PLEKHG1: variants seen among roughly 807,000 people sequenced by gnomAD.
The protein encoded by PLEKHG1 is pleckstrin homology domain-containing family G member 1.
Under a neutral mutation model 100.8 loss-of-function variants are expected in PLEKHG1, and 44 were observed. The ratio of observed to expected loss-of-function variants is 0.44; its 90% CI spans 0.34 to 0.56. The LOEUF is 0.56. PLEKHG1 is among the 20% of genes least tolerant of loss of function. The pLI is 0.01. For missense variants in PLEKHG1, 1,545 were observed against 1,720.9 expected, an observed-to-expected ratio of 0.90 and a Z score of 1.81; for synonymous variants, 640 against 662.5, an observed-to-expected ratio of 0.97 and a Z score of 0.52.
At chr6:150,713,045 C>G (rs1475951450) in intron 3 of PLEKHG1, among the ~76,000 whole-genome samples, 2 of 152,176 alleles carry the variant, frequency 1.3e-5, no homozygotes, top group Non-Finnish European at 2.9e-5. Context: ...ACTTAAAGCC[C>G]ATGTCCATTC....
intron 4 of PLEKHG1, among the ~76,000 whole-genome samples, chr6:150,795,621 CTG>C (rs1786280357): frequency 1.3e-5 from 2 of 151,578 alleles, no homozygotes; most frequent in African/African-American, 4.8e-5. Context: ...ACTCGGGAGG[CTG>C]AGGCAGGATA....
rs114199322 is a variant in PLEKHG1 at position 150,758,910 on chromosome 6, T to C, written c.412-9728T>C. ...AGAATGATTCCTAATTCTCTAGAGC[T>C]AAAACACCCTGCTTTCCAGGCTCCC... On this transcript the variant is annotated intron_variant, in intron 2 of 15. Coordinates refer to ENST00000358517, the Ensembl canonical transcript of PLEKHG1. Among the ~76,000 whole-genome samples, 13 of 152,328 alleles carry C rather than the reference T, an allele frequency of 8.5e-5. No homozygotes were observed. In the South Asian group the frequency reaches 2.5e-3, roughly 29 times the overall value.
chr6:150,649,983 G>C (rs1227316142), intron 2 of PLEKHG1, among the ~76,000 whole-genome samples: 1 of 151,118 alleles, frequency 6.6e-6, no homozygotes, highest in African/African-American at 2.4e-5. Context: ...CTGCACTCCA[G>C]CCTGGGCGAC....
At chr6:150,773,584 T>C (rs1477523630) in intron 3 of PLEKHG1, among the ~76,000 whole-genome samples, 2 of 152,214 alleles carry the variant, frequency 1.3e-5, no homozygotes, top group South Asian at 2.1e-4. Context: ...TGGGTCTGTG[T>C]TCTCTTTCAC....
intron 3 of PLEKHG1, among the ~76,000 whole-genome samples, chr6:150,675,469 A>G (rs9480524): frequency 0.079 from 12,040 of 152,308 alleles, 547 homozygotes; most frequent in Non-Finnish European, 0.1. Flanking sequence ...GGAGAAAGTT[A>G]GGCAAAGGGA....
chr6:150,724,310 A>C (rs1273649980), intron 1 of PLEKHG1, among the ~76,000 whole-genome samples: 1 of 152,246 alleles, frequency 6.6e-6, no homozygotes, highest in Non-Finnish European at 1.5e-5. Context: ...ATCTAAAGGC[A>C]GAGGAGGCTG....
At chr6:150,662,172 C>G (rs894642293) in intron 3 of PLEKHG1, among the ~76,000 whole-genome samples, 1 of 152,150 alleles carries the variant, frequency 6.6e-6, no homozygotes, top group Non-Finnish European at 1.5e-5. Flanking sequence ...TTTTTCTCCT[C>G]CTGTCAGTCA....
At chr6:150,714,297 C>T (rs183797913) in intron 3 of PLEKHG1, among the ~76,000 whole-genome samples, 41 of 152,294 alleles carry the variant, frequency 2.7e-4, no homozygotes, top group Middle Eastern at 6.8e-3. Flanking sequence ...TAAGACTTGA[C>T]TGTATTGTCT....
intron 1 of PLEKHG1, among the ~76,000 whole-genome samples, chr6:150,607,258 TG>T (rs1334705678): frequency 1.2e-4 from 18 of 151,846 alleles, no homozygotes; most frequent in Non-Finnish European, 2.9e-5. Flanking sequence ...AGAGGGAGAA[TG>T]GGGAAGAGGT....
At chr6:150,752,185 CAAAA>C (rs199866544) in intron 2 of PLEKHG1, among the ~76,000 whole-genome samples, 4 of 148,970 alleles carry the variant, frequency 2.7e-5, no homozygotes, top group Non-Finnish European at 4.5e-5. Flanking sequence ...GACTCTGTCT[CAAAA>C]AAAAATAAAA....
intron 7 of PLEKHG1, among the ~76,000 whole-genome samples, chr6:150,805,292 C>T (rs1455676075): frequency 6.6e-6 from 1 of 152,206 alleles, no homozygotes; most frequent in African/African-American, 2.4e-5. Flanking sequence ...GTCTAAGTTA[C>T]AATTTTGAGC....
At chr6:150,670,791 T>G (rs891989087) in intron 3 of PLEKHG1, among the ~76,000 whole-genome samples, 2 of 152,144 alleles carry the variant, frequency 1.3e-5, no homozygotes, top group South Asian at 4.1e-4. Flanking sequence ...ATTGTTGTTG[T>G]TGTTATATGA....
rs545583725 is a variant in PLEKHG1, at chr6:150,758,127, G to A, written c.412-10511G>A. 4.6e-5 allele frequency among the ~76,000 whole-genome samples: 7 copies of A among 152,144 alleles called. No individual in the cohort carries two copies. In the South Asian group the frequency reaches 6.2e-4, roughly 14 times the overall value. The stretch of plus-strand genomic sequence containing the variant: ...CTATGTCTTTGCTATTGTGAATAGC[G>A]CTGCATTGAACATACGCACACATGT... On this transcript the variant is annotated intron_variant, in intron 2 of 15. Coordinates refer to ENST00000358517, the Ensembl canonical transcript of PLEKHG1.
intron 2 of PLEKHG1, among the ~76,000 whole-genome samples, chr6:150,762,799 T>C (rs1051319444): frequency 3.3e-5 from 5 of 152,212 alleles, no homozygotes; most frequent in African/African-American, 1.2e-4. Context: ...AAGATTGGAC[T>C]TCTGATACTT....
intron 5 of PLEKHG1, 117 bp downstream of exon 6, chr6:150,796,019 T>G (rs28408062): frequency 1.5e-6 from 1 of 657,634 alleles, no homozygotes; most frequent in Non-Finnish European, 2.7e-6. Context: ...CTGAATACTA[T>G]GGGAAGAATG....
At chr6:150,818,101 GT>G in intron 10 of PLEKHG1, 81 bp from the exon 12 acceptor site, 1 of 1,010,556 alleles carries the variant, frequency 9.9e-7, no homozygotes, top group East Asian at 2.4e-5. Flanking sequence ...ATTTATTCAG[GT>G]GGGATAAGAT....
intron 14 of PLEKHG1, chr6:150,827,876 T>G: frequency 6.7e-7 from 1 of 1,486,778 alleles, no homozygotes; most frequent in South Asian, 1.1e-5. Flanking sequence ...AATGTGCTAT[T>G]GAAATGTACA....
At chr6:150,793,293 T>C (rs1786102367) in intron 4 of PLEKHG1, among the ~76,000 whole-genome samples, 1 of 152,092 alleles carries the variant, frequency 6.6e-6, no homozygotes, top group Admixed American at 6.6e-5. Flanking sequence ...TCCCAGCTAC[T>C]CTGGAGGTTG....
At chr6:150,653,330 C>T (rs913607630) in intron 3 of PLEKHG1, among the ~76,000 whole-genome samples, 1 of 151,962 alleles carries the variant, frequency 6.6e-6, no homozygotes, top group African/African-American at 2.4e-5. Flanking sequence ...GGAAGAGGCT[C>T]ACAAAGGCCA....
Sources: gnomAD v4.1 joint callset for allele counts (sites outside exome capture counted in the v4.1 genomes callset) on GRCh38, gnomAD v4.1.1 for gene constraint, MANE v1.5 for transcripts, NCBI Gene and HGNC (gene_info 2026-07-23, HGNC 2026-07-21) for gene names.